Variants in GPR26 observed in about 807,000 individuals in gnomAD.
The protein encoded by GPR26 is G protein-coupled receptor 26.
A neutral mutation model predicts 23.1 loss-of-function variants in GPR26; 15 were observed. That is an observed-to-expected ratio of 0.65 (90% CI 0.43 to 1.00). The LOEUF is 1.00. Ranked by LOEUF, GPR26 falls within the 50% of genes least tolerant of loss-of-function variation. The pLI is 0.00. For synonymous variants in GPR26, 228 were observed against 222.1 expected (o/e 1.03, Z -0.24); for missense variants, 359 against 470.5 (o/e 0.76, Z 2.19).
chr10:123,692,941 T>C lies in GPR26; in HGVS notation c.*4781T>C, dbSNP rs899141838. ...TCTCCAAACGGTTCAATCTCCAGTT[T>C]TATTCAGGGACTGGGCCATTTTGTT... On this transcript the variant is annotated 3_prime_UTR_variant, in exon 3 of 3. Transcript: ENST00000284674. 1 of 152,318 alleles carries C rather than the reference T, an allele frequency of 6.6e-6. No individual in the cohort carries two copies. The highest frequency in any genetic ancestry group is 1.9e-4 in the East Asian group (1 of 5,182). The allele number at this position is 152,318 out of a possible 1,614,324, so 9.4% of individuals were successfully genotyped here.
Position 123,677,233 on chromosome 10 carries a change from G to C in GPR26, c.782+2302G>C, listed in dbSNP as rs1018772373. Among the ~76,000 whole-genome samples, 6 of 151,792 alleles carry C rather than the reference G, an allele frequency of 4.0e-5. No homozygotes were observed. In the East Asian group the frequency reaches 1.2e-3, roughly 29 times the overall value. ...TCTCTAATAGTGCCCAGGAAGTAAC[G>C]TTTCAGTAAAATGGATGATGATGGA... On this transcript the variant is annotated intron_variant, in intron 2 of 2. Transcript: ENST00000284674.
At position 123,690,492 on chromosome 10, in the gene GPR26, T is replaced by G. The variant is rs139639211; in HGVS notation, c.*2332T>G. ...CAACTAGATCTCTTTTACCTCTTCT[T>G]TAGCCAAGAAGCAAGATCTGTCACC... On this transcript the variant is annotated 3_prime_UTR_variant, in exon 3 of 3. Coordinates refer to ENST00000284674, the MANE Select transcript of GPR26 (RefSeq NM_153442.4). 1 of 152,316 alleles carries G rather than the reference T, an allele frequency of 6.6e-6. No individual in the cohort carries two copies. Among genetic ancestry groups the G allele is most frequent in the East Asian group, 1.9e-4 (1 of 5,180 alleles). The allele number at this position is 152,316 out of a possible 1,614,324, so 9.4% of individuals were successfully genotyped here.
At position 123,696,892 on chromosome 10, in the gene GPR26, C is replaced by G. The variant is rs144619213; in HGVS notation, c.*8732C>G. On this transcript the variant is annotated 3_prime_UTR_variant, in exon 3 of 3. Coordinates refer to ENST00000284674, the MANE Select transcript of GPR26 (RefSeq NM_153442.4). The stretch of plus-strand genomic sequence containing the variant: ...TTGTGTGCCCATGAGTATATGCATA[C>G]GGGTGAATGTTTGTGTGCCCATGAG... Among the ~76,000 whole-genome samples, 1 of 132,434 alleles carries G rather than the reference C, an allele frequency of 7.6e-6. No individual in the cohort carries two copies. Among genetic ancestry groups the G allele is most frequent in the Non-Finnish European group, 1.6e-5 (1 of 64,368 alleles). 86.9% of individuals were successfully genotyped at this position (132,434 alleles called of 152,430 possible).
Position 123,695,776 on chromosome 10 carries a change from C to G in GPR26, c.*7616C>G, listed in dbSNP as rs1244976702. Among the ~76,000 whole-genome samples, 2 of 152,188 alleles carry G rather than the reference C, an allele frequency of 1.3e-5. No homozygotes were observed. Among genetic ancestry groups the G allele is most frequent in the Non-Finnish European group, 2.9e-5 (2 of 68,040 alleles). On this transcript the variant is annotated 3_prime_UTR_variant, in exon 3 of 3. Transcript: ENST00000284674. ...GTAACCAAACTCTCTGCTCTAACAA[C>G]CTTCGAATGTCAAGTTCCCTTGCAA...
intron 2 of GPR26, among the ~76,000 whole-genome samples, chr10:123,684,044 G>C (rs1845406285): frequency 6.6e-6 from 1 of 152,174 alleles, no homozygotes; most frequent in Admixed American, 6.5e-5. Flanking sequence ...AACCTGATCT[G>C]CTGACCGAGG....
rs1351063749 is a variant in GPR26 at position 123,695,207 on chromosome 10, C to T, written c.*7047C>T. 6.6e-6 allele frequency among the ~76,000 whole-genome samples: 1 copy of T among 152,186 alleles called. No homozygotes were observed. Among genetic ancestry groups the T allele is most frequent in the East Asian group, 1.9e-4 (1 of 5,194 alleles). On this transcript the variant is annotated 3_prime_UTR_variant, in exon 3 of 3. Transcript: ENST00000284674. Reference sequence around the variant, plus strand: ...CAATCTTAGCAGTGTTCCAGTTCATCACGTATACCCATATTTAAGGACTTT... The same window carrying T: ...CAATCTTAGCAGTGTTCCAGTTCATTACGTATACCCATATTTAAGGACTTT...
chr10:123,676,056 T>A (rs1456778469), intron 2 of GPR26, among the ~76,000 whole-genome samples: 1 of 152,180 alleles, frequency 6.6e-6, no homozygotes, highest in Non-Finnish European at 1.5e-5. Flanking sequence ...CATGATTTGC[T>A]CTGGCCTCTG....
At chr10:123,676,102 G>A (rs1845307614) in intron 2 of GPR26, among the ~76,000 whole-genome samples, 1 of 132,122 alleles carries the variant, frequency 7.6e-6, no homozygotes, top group South Asian at 2.5e-4. Flanking sequence ...CCATCCAGGA[G>A]GCTGTCCTCT....
intron 2 of GPR26, 115 bp from the exon 3 acceptor site, chr10:123,687,814 T>G (rs896538122): frequency 1.5e-6 from 1 of 657,514 alleles, no homozygotes; most frequent in African/African-American, 1.8e-5. Flanking sequence ...CTCAGATAAA[T>G]TGAGGGTTGG....
chr10:123,677,427 C>G (rs1310816650), intron 2 of GPR26, among the ~76,000 whole-genome samples: 1 of 152,178 alleles, frequency 6.6e-6, no homozygotes, highest in Non-Finnish European at 1.5e-5. Context: ...CCCGCCGGGC[C>G]CCACTGCCAC....
At position 123,666,989 on chromosome 10, in the gene GPR26, G is replaced by A. The variant is rs1283762092; in HGVS notation, c.582G>A (p.Lys194=). The A allele has an allele frequency of 6.2e-7, 1 of 1,613,326 alleles. No individual in the cohort carries two copies. The highest frequency in any genetic ancestry group is 1.7e-5 in the Admixed American group (1 of 59,966). The change falls in exon 1 of 3, where the codon AAG becomes AAA. Residue 194 remains lysine (K), a synonymous_variant. Transcript: ENST00000284674. ...TCGTGCTCTGCTGCACGTACCTCAAGGTGCTCAAGGTGGCCCGCTTCCATT... is the reference window on the plus strand; with the variant it reads ...TCGTGCTCTGCTGCACGTACCTCAAAGTGCTCAAGGTGGCCCGCTTCCATT... ...SFVVLCCTYL[K]VLKVARFHCK...
intron 2 of GPR26, among the ~76,000 whole-genome samples, chr10:123,683,160 G>T (rs1283290510): frequency 1.3e-5 from 1 of 75,692 alleles, no homozygotes; most frequent in African/African-American, 4.7e-5. Context: ...TGAAAGTACA[G>T]GTGCTTGATC....
chr10:123,695,815 C>T lies in GPR26; in HGVS notation c.*7655C>T, dbSNP rs1205210537. ...GTTCCCTTGCAAGCTGAAATTGTTC[C>T]AAACCTCAACACTCCTGTTTTACAA... On this transcript the variant is annotated 3_prime_UTR_variant, in exon 3 of 3. Coordinates refer to ENST00000284674, the MANE Select transcript of GPR26 (RefSeq NM_153442.4). Among the ~76,000 whole-genome samples the T allele has an allele frequency of 1.3e-5, 2 of 152,190 alleles. No individual in the cohort carries two copies. Among genetic ancestry groups the T allele is most frequent in the African/African-American group, 4.8e-5 (2 of 41,440 alleles).
In GPR26 at chr10:123,694,155, T is replaced by C. The variant is rs1845518529; in HGVS notation, c.*5995T>C. ...CCCTGGAAGTGTGTACTCAGTGCTG[T>C]GGGGGTACAGAGGGAGGGCTGGAGA... is the stretch of plus-strand genomic sequence containing the variant. On this transcript the variant is annotated 3_prime_UTR_variant, in exon 3 of 3. Transcript: ENST00000284674. 6.5e-6 allele frequency: 1 copy of C among 152,748 alleles called. No individual in the cohort carries two copies. The highest frequency in any genetic ancestry group is 2.4e-5 in the African/African-American group (1 of 41,384). 9.5% of individuals were successfully genotyped at this position (152,748 alleles called of 1,614,324 possible).
In GPR26 at chr10:123,674,421, A is replaced by G. The variant is rs1845284056; in HGVS notation, c.669-397A>G. On this transcript the variant is annotated intron_variant, in intron 1 of 2. Transcript: ENST00000284674. The surrounding 1 kb of genome is among the most constrained non-coding windows in gnomAD (Gnocchi z 4.1). ...TAGCAGATGATCAGTGAATGATATGAGCAATAATAAGAGGTAATGTTTAAT... is the reference window on the plus strand; with the variant it reads ...TAGCAGATGATCAGTGAATGATATGGGCAATAATAAGAGGTAATGTTTAAT... Among the ~76,000 whole-genome samples, 1 of 152,210 alleles carries G rather than the reference A, an allele frequency of 6.6e-6. No individual in the cohort carries two copies. Among genetic ancestry groups the G allele is most frequent in the African/African-American group, 2.4e-5 (1 of 41,464 alleles).
At chr10:123,680,646 C>A (rs933893810) in intron 2 of GPR26, among the ~76,000 whole-genome samples, 2 of 152,084 alleles carry the variant, frequency 1.3e-5, no homozygotes, top group African/African-American at 4.8e-5. Flanking sequence ...AGGCTGATCC[C>A]GGGGAATTCA....
intron 2 of GPR26, among the ~76,000 whole-genome samples, chr10:123,676,214 C>G (rs1335858327): frequency 6.6e-6 from 1 of 152,124 alleles, no homozygotes; most frequent in East Asian, 1.9e-4. Context: ...GGTGCCTTCC[C>G]CTGTCTTCTG....
intron 2 of GPR26, among the ~76,000 whole-genome samples, chr10:123,681,160 T>C (rs937791936): frequency 1.3e-5 from 2 of 152,068 alleles, no homozygotes; most frequent in Non-Finnish European, 2.9e-5. Flanking sequence ...ATTTTAAAGA[T>C]GAGGAAACTG....
rs765792774 is a variant in GPR26, at chr10:123,666,926, T to C, written c.519T>C (p.Thr173=). 3.7e-5 allele frequency: 59 copies of C among 1,613,326 alleles called. No individual in the cohort carries two copies. The highest frequency in any genetic ancestry group is 4.8e-5 in the Non-Finnish European group (57 of 1,179,838). Reference sequence around the variant, plus strand: ...AGCGCCTGCGCTTCGCCGTCTTCACTGGCGCCTTCCACGCTCTCAGCTTCC... The same window carrying C: ...AGCGCCTGCGCTTCGCCGTCTTCACCGGCGCCTTCCACGCTCTCAGCTTCC... ...PDERLRFAVF[T]GAFHALSFLL... The change falls in exon 1 of 3, where the codon ACT becomes ACC. Residue 173 remains threonine (T), a synonymous_variant. Coordinates refer to ENST00000284674, the MANE Select transcript of GPR26 (RefSeq NM_153442.4).
Sources: allele counts gnomAD v4.1 joint callset (sites outside exome capture counted in the v4.1 genomes callset), GRCh38; gene constraint gnomAD v4.1.1; non-coding constraint Gnocchi (gnomAD v3.1); transcripts MANE v1.5; gene names NCBI Gene and HGNC (gene_info 2026-07-23, HGNC 2026-07-21).